The following RALGAPB variants were observed in gnomAD, a reference collection of about 807,000 sequenced individuals.
RALGAPB encodes ral GTPase-activating protein subunit beta.
Under a neutral mutation model 161.1 loss-of-function variants are expected in RALGAPB, and 25 were observed. The ratio of observed to expected loss-of-function variants is 0.16; its 90% confidence interval spans 0.11 to 0.22. The LOEUF is 0.22. RALGAPB is among the 10% of genes least tolerant of loss of function. RALGAPB has a pLI of 1.00. For missense variants in RALGAPB, 1,391 were observed against 1,815.2 expected (o/e 0.77, Z 4.25); for synonymous variants, 629 against 626.1 (o/e 1.00, Z -0.07).
Position 38,577,353 on chromosome 20 carries a change from A to C in RALGAPB, c.*2386A>C, listed in dbSNP as rs1301915073. Reference sequence around the variant, plus strand: ...TTAGCACCTAATATTAATATTTAGTAGTCCATTGATAAATTTGCCAGCATA... The same window carrying C: ...TTAGCACCTAATATTAATATTTAGTCGTCCATTGATAAATTTGCCAGCATA... On this transcript the variant is annotated 3_prime_UTR_variant, in exon 30 of 30. Transcript: ENST00000262879. 1 of 152,228 alleles carries C rather than the reference A, an allele frequency of 6.6e-6. No individual in the cohort carries two copies. The highest frequency in any genetic ancestry group is 1.9e-4 in the East Asian group (1 of 5,198). 9.4% of individuals were successfully genotyped at this position (152,228 alleles called of 1,614,324 possible).
At position 38,516,384 on chromosome 20, in the gene RALGAPB, A is replaced by G. The variant is rs772553031; in HGVS notation, c.1051+14A>G. On this transcript the variant is annotated intron_variant, in intron 7 of 29. Transcript: ENST00000262879. ...ATGCATTCTTAGGTGAATTTTGTGT[A>G]TGTTGCTAGATGTATGAAGAGCTTC... 7.5e-6 allele frequency: 12 copies of G among 1,606,422 alleles called. No individual in the cohort carries two copies. Among genetic ancestry groups the G allele is most frequent in the Non-Finnish European group, 9.4e-6 (11 of 1,174,816 alleles).
rs775811008 is a variant in RALGAPB at position 38,517,814 on chromosome 20, C to T, written c.1231C>T (p.His411Tyr). ...VSTAHASKVQ[H>Y]QTSSTSPLSS... ...TACTGCTCATGCCTCTAAAGTTCAG[C>T]ACCAGACGTCCTCCACCTCTCCTCT... Residue 411 changes from histidine to tyrosine, a missense_variant, in exon 9 of 30, where the codon CAC (histidine) becomes TAC (tyrosine). By Grantham distance (83) the His-to-Tyr change is moderately conservative (BLOSUM62 2). Transcript: ENST00000262879. 48 of 1,613,786 alleles carry T rather than the reference C, an allele frequency of 3.0e-5. No individual in the cohort carries two copies. The highest frequency in any genetic ancestry group is 3.7e-5 in the Non-Finnish European group (44 of 1,179,694).
intron 6 of RALGAPB, among the ~76,000 whole-genome samples, chr20:38,512,294 T>C (rs1220778684): frequency 2.0e-5 from 3 of 152,238 alleles, no homozygotes; most frequent in African/African-American, 7.2e-5. Flanking sequence ...ATAAGAAGTG[T>C]CTCTTTTCTA....
chr20:38,488,924 G>A (rs1201371823), intron 2 of RALGAPB, among the ~76,000 whole-genome samples: 1 of 152,174 alleles, frequency 6.6e-6, no homozygotes. Flanking sequence ...AGACTTGAAT[G>A]TCAAACACTT....
At chr20:38,509,360 C>A (rs937480652) in intron 6 of RALGAPB, 152 bp downstream of exon 6, 2 of 865,796 alleles carry the variant, frequency 2.3e-6, no homozygotes, top group African/African-American at 1.7e-5. Context: ...CATTTCTGTC[C>A]TGTGCCTCCT....
intron 1 of RALGAPB, among the ~76,000 whole-genome samples, chr20:38,482,073 G>A (rs2084985966): frequency 6.6e-6 from 1 of 151,976 alleles, no homozygotes; most frequent in South Asian, 2.1e-4. Context: ...TTGACCAGGA[G>A]CCTGGCCAAT....
At chr20:38,481,461 G>A (rs2084970449) in intron 1 of RALGAPB, among the ~76,000 whole-genome samples, 1 of 152,164 alleles carries the variant, frequency 6.6e-6, no homozygotes, top group Non-Finnish European at 1.5e-5. Context: ...GTGGATGACG[G>A]CAGGCCAAGA....
intron 2 of RALGAPB, among the ~76,000 whole-genome samples, chr20:38,490,936 C>T (rs756651053): frequency 3.3e-5 from 5 of 152,240 alleles, no homozygotes; most frequent in African/African-American, 9.6e-5. Flanking sequence ...TGGGCCACTA[C>T]GCCTGGCCTA....
At chr20:38,503,413 A>C (rs530935551) in intron 5 of RALGAPB, among the ~76,000 whole-genome samples, 1 of 152,342 alleles carries the variant, frequency 6.6e-6, no homozygotes, top group African/African-American at 2.4e-5. Flanking sequence ...TCCAACCCTA[A>C]TGAATGACTC....
chr20:38,510,423 TTTTCTC>T (rs1302230644), intron 6 of RALGAPB, among the ~76,000 whole-genome samples: 11 of 152,326 alleles, frequency 7.2e-5, no homozygotes, highest in South Asian at 2.1e-4. Context: ...TCTAATGTCT[TTTTCTC>T]TTTTTCCTTC....
chr20:38,553,918 T>C lies in RALGAPB; in HGVS notation c.3214T>C (p.Tyr1072His). ...LRSGMAQQIA[Y>H]EIHLEQQSEE... ...GAGTGGCATGGCCCAGCAGATTGCTTATGAAATACACCTTGAGCAACAGAG... is the reference window on the plus strand; with the variant it reads ...GAGTGGCATGGCCCAGCAGATTGCTCATGAAATACACCTTGAGCAACAGAG... Residue 1072 changes from tyrosine to histidine, a missense_variant, in exon 22 of 30, where the codon TAT becomes CAT. By Grantham distance (83) the Tyr-to-His change is moderately conservative. Transcript: ENST00000262879. The C allele has an allele frequency of 1.2e-6, 2 of 1,613,706 alleles. No individual in the cohort carries two copies. The highest frequency in any genetic ancestry group is 1.7e-6 in the Non-Finnish European group (2 of 1,179,764).
At chr20:38,536,424 G>T (rs1226500880) in intron 16 of RALGAPB, among the ~76,000 whole-genome samples, 1 of 152,176 alleles carries the variant, frequency 6.6e-6, no homozygotes, top group Non-Finnish European at 1.5e-5. Flanking sequence ...CAGTAGTGCT[G>T]CTGTGAACAT....
rs752392364 is a variant in RALGAPB at position 38,539,829 on chromosome 20, C to T, written c.2433C>T (p.Cys811=). The change falls in exon 17 of 30, where the codon TGC becomes TGT. Residue 811 remains cysteine, a synonymous_variant. Transcript: ENST00000262879. The part of the protein sequence containing the change: ...GDRKRAISSV[C]TYIVYQCSRP... ...GGAAGCGAGCCATCAGTTCTGTGTG[C>T]ACCTACATTGTTTATCAGTGTAGTC... The T allele has an allele frequency of 1.9e-6, 3 of 1,613,942 alleles. No individual in the cohort carries two copies. Among genetic ancestry groups the T allele is most frequent in the African/African-American group, 1.3e-5 (1 of 74,912 alleles).
chr20:38,482,021 C>T (rs1415034586), intron 1 of RALGAPB, among the ~76,000 whole-genome samples: 2 of 152,154 alleles, frequency 1.3e-5, no homozygotes, highest in Admixed American at 1.3e-4. Context: ...CAAAAATTTT[C>T]AAGTAACTTT....
intron 3 of RALGAPB, among the ~76,000 whole-genome samples, chr20:38,493,826 G>T (rs73905623): frequency 0.01 from 1,590 of 152,308 alleles, 21 homozygotes; most frequent in African/African-American, 0.036. Context: ...GTAGGCTCAG[G>T]TGTAAACAGC....
chr20:38,558,537 A>G (rs1261604217), intron 23 of RALGAPB, 84 bp downstream of exon 23: 7 of 1,246,648 alleles, frequency 5.6e-6, no homozygotes, highest in Non-Finnish European at 6.4e-6. Flanking sequence ...CAAAATTAAT[A>G]TGGAGAGTTT....
At chr20:38,511,871 G>T (rs185243255) in intron 6 of RALGAPB, among the ~76,000 whole-genome samples, 3,851 of 152,202 alleles carry the variant, frequency 0.025, 162 homozygotes, top group African/African-American at 0.089. Context: ...GGTGGCGGCC[G>T]GGCAGAGGGG....
At chr20:38,558,561 T>C (rs2087675838) in intron 23 of RALGAPB, 108 bp downstream of exon 23, 2 of 1,041,858 alleles carry the variant, frequency 1.9e-6, no homozygotes, top group Admixed American at 5.7e-5. Flanking sequence ...TGGGCCAGAG[T>C]TGAGGACTGC....
At chr20:38,554,153 C>A in intron 22 of RALGAPB, 77 bp downstream of exon 22, 5 of 1,290,174 alleles carry the variant, frequency 3.9e-6, no homozygotes, top group Non-Finnish European at 4.5e-6. Context: ...ATATTTTTAT[C>A]AGGATAGAAG....
Sources: gnomAD v4.1 joint callset for allele counts (sites outside exome capture counted in the v4.1 genomes callset) on GRCh38, gnomAD v4.1.1 for gene constraint, MANE v1.5 for transcripts, NCBI Gene and HGNC (gene_info 2026-07-23, HGNC 2026-07-21) for gene names.